The following GRIP1 variants were observed in gnomAD, a reference collection of about 807,000 sequenced individuals.
The protein encoded by GRIP1 is glutamate receptor interacting protein 1.
A neutral mutation model predicts 129.9 loss-of-function variants in GRIP1; 45 were observed. The observed-to-expected ratio is 0.35, with a 90% CI of 0.27 to 0.44. GRIP1 has a LOEUF of 0.44. Ranked by LOEUF, GRIP1 falls within the 20% of genes least tolerant of loss-of-function variation. The pLI, the probability that GRIP1 is intolerant of heterozygous loss-of-function variation, is 1.00. For missense variants in GRIP1, 1,196 were observed against 1,396.8 expected (o/e 0.86, Z 2.29); for synonymous variants, 530 against 520.8 (o/e 1.02, Z -0.24).
At position 66,347,797 on chromosome 12, in the gene GRIP1, C is replaced by T. The variant is rs1269041571; in HGVS notation, c.*1222G>A. The T allele has an allele frequency of 3.3e-5, 5 of 151,780 alleles. No homozygotes were observed. Among genetic ancestry groups the T allele is most frequent in the African/African-American group, 1.2e-4 (5 of 41,292 alleles). The allele number at this position is 151,780 out of a possible 1,614,324, so 9.4% of individuals were successfully genotyped here. A position where few individuals can be genotyped will look rare whatever the true frequency, so the allele number is the denominator to read the frequency against. ...TTCCTTAAACAAAGGACACAGTGTT[C>T]GAATACTTTGCCTAAGTGGTAGTTT... On this transcript the variant is annotated 3_prime_UTR_variant, in exon 25 of 25. Coordinates refer to ENST00000359742, the MANE Select transcript of GRIP1 (RefSeq NM_001366722.1).
chr12:66,707,502 C>CA (rs1565979272), intron 1 of GRIP1, among the ~76,000 whole-genome samples: 54 of 85,996 alleles, frequency 6.3e-4, no homozygotes, highest in Non-Finnish European at 6.8e-4. Context: ...CAATCACTGA[C>CA]TAAAAAAAAA....
At chr12:66,524,419 T>G (rs569743270) in intron 5 of GRIP1, among the ~76,000 whole-genome samples, 2 of 152,152 alleles carry the variant, frequency 1.3e-5, no homozygotes, top group Non-Finnish European at 2.9e-5. Flanking sequence ...AACCTGCTCC[T>G]GAATGACTAC....
chr12:67,007,083 T>C (rs1485248792), intron 1 of GRIP1, among the ~76,000 whole-genome samples: 1 of 152,208 alleles, frequency 6.6e-6, no homozygotes, highest in Non-Finnish European at 1.5e-5. Flanking sequence ...ACTCTATTCA[T>C]TGAAAAGTTG....
At chr12:66,978,522 T>G (rs1269260138) in intron 1 of GRIP1, among the ~76,000 whole-genome samples, 8 of 152,152 alleles carry the variant, frequency 5.3e-5, no homozygotes, top group Non-Finnish European at 1.2e-4. Context: ...ACATCTCAAG[T>G]CTCCTTCAAA....
In GRIP1 at chr12:66,515,713, C is replaced by A; in HGVS notation, c.630G>T (p.Arg210=). Residue 210 remains arginine (R), a synonymous_variant, in exon 7 of 25, where the codon CGG becomes CGT. Coordinates refer to ENST00000359742, the MANE Select transcript of GRIP1 (RefSeq NM_001366722.1). ...CTTCAGCATGCGTAGTTCCAAGAAG[C>A]CGAATTCCATCCACACTGAGCAACC... The part of the protein sequence containing the change: ...GDRLLSVDGI[R]LLGTTHAEAM... 1 of 1,613,592 alleles carries A rather than the reference C, an allele frequency of 6.2e-7. No individual in the cohort carries two copies. The highest frequency in any genetic ancestry group is 1.1e-5 in the South Asian group (1 of 91,080).
intron 1 of GRIP1, among the ~76,000 whole-genome samples, chr12:66,831,812 G>A (rs1431507912): frequency 6.6e-6 from 1 of 152,094 alleles, no homozygotes. Flanking sequence ...GCCTTGGTAT[G>A]TATAAAACCA....
At chr12:66,365,300 G>C (rs1168341) in intron 23 of GRIP1, among the ~76,000 whole-genome samples, 74,162 of 151,734 alleles carry the variant, frequency 0.49, 18,551 homozygotes, top group East Asian at 0.57. Flanking sequence ...ACCCGGGCAT[G>C]GTGGTGTGTA....
chr12:66,585,301 G>C (rs1433981492), intron 2 of GRIP1, among the ~76,000 whole-genome samples: 1 of 122,896 alleles, frequency 8.1e-6, no homozygotes, highest in Non-Finnish European at 1.6e-5. Flanking sequence ...CCCTTCCTGT[G>C]TCCATATGAT....
rs563842235 is a variant in GRIP1 at position 66,752,051 on chromosome 12, G to T, written c.-420+52002C>A. Among the ~76,000 whole-genome samples, 12 of 152,180 alleles carry T rather than the reference G, an allele frequency of 7.9e-5. No homozygotes were observed. The East Asian group carries it at 2.3e-3, about 29-fold the overall frequency. ...AGAATACTAGATTATCATTCTCACT[G>T]GCAGGACCTCAACTGTTCCACAAAT... On this transcript the variant is annotated intron_variant, in intron 1 of 4. Transcript: ENST00000538373.
intron 7 of GRIP1, among the ~76,000 whole-genome samples, chr12:66,513,183 C>T (rs192093896): frequency 5.1e-4 from 77 of 152,204 alleles, no homozygotes; most frequent in Middle Eastern, 3.4e-3. Flanking sequence ...CTACTGGTCT[C>T]TTTATTATCC....
intron 14 of GRIP1, among the ~76,000 whole-genome samples, chr12:66,421,563 G>A (rs148047296): frequency 2.8e-4 from 42 of 151,520 alleles, no homozygotes; most frequent in African/African-American, 9.4e-4. Context: ...AATCAATAAA[G>A]TTCTTTTTTT....
chr12:66,762,159 G>C (rs1049462546), intron 1 of GRIP1, among the ~76,000 whole-genome samples: 1 of 152,172 alleles, frequency 6.6e-6, no homozygotes, highest in Non-Finnish European at 1.5e-5. Context: ...ATTCAATTTT[G>C]AGATACAGGC....
chr12:66,943,051 A>G (rs2041612230), intron 1 of GRIP1, among the ~76,000 whole-genome samples: 1 of 152,202 alleles, frequency 6.6e-6, no homozygotes, highest in Non-Finnish European at 1.5e-5. Flanking sequence ...GCAGTATTCT[A>G]ATAGCCCCAA....
chr12:66,795,368 C>A (rs182928183), intron 1 of GRIP1, among the ~76,000 whole-genome samples: 38 of 152,274 alleles, frequency 2.5e-4, no homozygotes, highest in Admixed American at 1.4e-3. Context: ...GAACCACATA[C>A]TACTGCCAGC....
At chr12:66,649,861 G>T (rs2032660779) in intron 1 of GRIP1, among the ~76,000 whole-genome samples, 3 of 152,106 alleles carry the variant, frequency 2.0e-5, no homozygotes. Context: ...GATTTCCTTG[G>T]GCTCCTTTCC....
At chr12:67,012,580 T>C (rs1181384026) in intron 1 of GRIP1, among the ~76,000 whole-genome samples, 1 of 152,174 alleles carries the variant, frequency 6.6e-6, no homozygotes, top group African/African-American at 2.4e-5. Flanking sequence ...TATGCCATGA[T>C]TTATTTAATT....
At chr12:66,465,478 C>G in intron 7 of GRIP1, 56 bp from the exon 8 acceptor site, 1 of 1,448,286 alleles carries the variant, frequency 6.9e-7, no homozygotes, top group Non-Finnish European at 9.7e-7. Context: ...AGCAAAGAGA[C>G]AAAAGAAAGA....
intron 23 of GRIP1, among the ~76,000 whole-genome samples, chr12:66,354,031 C>T (rs146451802): frequency 6.6e-6 from 1 of 152,286 alleles, no homozygotes; most frequent in East Asian, 1.9e-4. Context: ...TGGGCAAGTA[C>T]CATGAAGTTC....
chr12:66,591,779 G>A (rs2063855577), intron 2 of GRIP1, among the ~76,000 whole-genome samples: 1 of 151,974 alleles, frequency 6.6e-6, no homozygotes, highest in African/African-American at 2.4e-5. Flanking sequence ...ACACGTGCAT[G>A]CCACCATCCC....
Sources: gnomAD v4.1 joint callset for allele counts (sites outside exome capture counted in the v4.1 genomes callset) on GRCh38, gnomAD v4.1.1 for gene constraint, MANE v1.5 for transcripts, NCBI Gene and HGNC (gene_info 2026-07-23, HGNC 2026-07-21) for gene names.